ANO2: variants seen among roughly 807,000 people sequenced by gnomAD.
ANO2 encodes anoctamin-2.
In ANO2, 101 loss-of-function variants were observed where a neutral mutation model predicts 124.2. That is an observed-to-expected ratio of 0.81 (90% CI 0.69 to 0.96). The LOEUF (loss-of-function observed/expected upper bound fraction) is 0.96. Ranked by LOEUF, ANO2 falls within the 40% of genes least tolerant of loss-of-function variation. The probability of loss-of-function intolerance (pLI) is 0.00; values close to 1 mark genes in which losing one functional copy is unlikely to be tolerated. For synonymous variants in ANO2, 486 were observed against 482.5 expected (o/e 1.01, Z -0.09); for missense variants, 1,293 against 1,274.5 (o/e 1.01, Z -0.22).
At chr12:5,881,173 G>A (rs1938478825) in intron 3 of ANO2, among the ~76,000 whole-genome samples, 1 of 152,142 alleles carries the variant, frequency 6.6e-6, no homozygotes, top group South Asian at 2.1e-4. Context: ...CTATTCTATT[G>A]AGAGGGGCCT....
chr12:5,775,576 C>T (rs568472857), intron 10 of ANO2, among the ~76,000 whole-genome samples: 1 of 151,940 alleles, frequency 6.6e-6, no homozygotes, highest in Non-Finnish European at 1.5e-5. Flanking sequence ...ATTCTCCTGC[C>T]TCAGCCTCCT....
chr12:5,923,688 TC>T (rs1941946072), intron 1 of ANO2, among the ~76,000 whole-genome samples: 1 of 152,086 alleles, frequency 6.6e-6, no homozygotes, highest in South Asian at 2.1e-4. Flanking sequence ...AAGGGAAAAG[TC>T]CCCAGTAGGT....
chr12:5,860,839 A>G lies in ANO2; in HGVS notation c.535-6698T>C, dbSNP rs1244209877. On this transcript the variant is annotated intron_variant, in intron 3 of 24. Coordinates refer to ENST00000682330, the MANE Select transcript of ANO2 (RefSeq NM_001364791.2). ...GCCTCACTCGTGCTCACAAAACACAACCTGAACTGGATATATCAGAAACTT... is the reference window on the plus strand; with the variant it reads ...GCCTCACTCGTGCTCACAAAACACAGCCTGAACTGGATATATCAGAAACTT... Among the ~76,000 whole-genome samples the G allele has an allele frequency of 3.9e-5, 6 of 152,178 alleles. No individual in the cohort carries two copies. In the South Asian group the frequency reaches 1.0e-3, roughly 26 times the overall value.
chr12:5,815,422 CT>C (rs1392877065), intron 7 of ANO2, among the ~76,000 whole-genome samples: 1 of 152,110 alleles, frequency 6.6e-6, no homozygotes, highest in Non-Finnish European at 1.5e-5. Context: ...TAATGATGAT[CT>C]TGAATAATCC....
At chr12:5,587,234 C>A (rs1376545684) in intron 20 of ANO2, among the ~76,000 whole-genome samples, 2 of 152,226 alleles carry the variant, frequency 1.3e-5, no homozygotes, top group Non-Finnish European at 2.9e-5. Flanking sequence ...AAGCTTCCAT[C>A]ACAATTTAGT....
chr12:5,844,195 G>A (rs1024321476), intron 4 of ANO2, among the ~76,000 whole-genome samples: 3 of 152,190 alleles, frequency 2.0e-5, no homozygotes, highest in Admixed American at 2.0e-4. Context: ...CCAGCCCATG[G>A]AGGAAAGAGT....
intron 14 of ANO2, among the ~76,000 whole-genome samples, chr12:5,708,774 G>C (rs1949707918): frequency 6.6e-6 from 1 of 152,200 alleles, no homozygotes; most frequent in Non-Finnish European, 1.5e-5. Flanking sequence ...GTCCTCTCAA[G>C]TCCTCTCTTC....
intron 10 of ANO2, among the ~76,000 whole-genome samples, chr12:5,775,271 GCACA>G (rs201543160): frequency 2.0e-5 from 3 of 151,670 alleles, no homozygotes; most frequent in African/African-American, 7.3e-5. Context: ...ATAATTACGT[GCACA>G]CACACAGAGA....
In ANO2 at chr12:5,750,950, A is replaced by G. The variant is rs1951417156; in HGVS notation, c.1076T>C (p.Ile359Thr). 1.2e-6 allele frequency: 2 copies of G among 1,603,886 alleles called. No individual in the cohort carries two copies. Among genetic ancestry groups the G allele is most frequent in the Non-Finnish European group, 1.7e-6 (2 of 1,174,896 alleles). Residue 359 changes from isoleucine (I) to threonine (T), a missense_variant, in exon 11 of 25, where the codon ATT (isoleucine) becomes ACT (threonine). Ile to Thr is a moderately conservative substitution (Grantham distance 89). Coordinates refer to ENST00000682330, the MANE Select transcript of ANO2 (RefSeq NM_001364791.2). The stretch of plus-strand genomic sequence containing the variant: ...TCCCAGCCAGGCAAAATACAGTCCA[A>G]TTTTTTCTCCAAAATACTTTCTGGA... ...DLIRKYFGEK[I>T]GLYFAWLGLY... is the part of the protein sequence containing the mutation.
At chr12:5,566,894 C>A (rs917654606) in intron 23 of ANO2, among the ~76,000 whole-genome samples, 1 of 152,182 alleles carries the variant, frequency 6.6e-6, no homozygotes, top group South Asian at 2.1e-4. Context: ...GGGACATTCA[C>A]AAGTAGGTGC....
chr12:5,703,092 ATGC>A (rs10604585), intron 14 of ANO2, among the ~76,000 whole-genome samples: 2,161 of 152,330 alleles, frequency 0.014, 40 homozygotes, highest in African/African-American at 0.047. Context: ...ATCAACCTCA[ATGC>A]CCTTAAACAG....
chr12:5,888,085 G>T (rs1252840018), intron 3 of ANO2, among the ~76,000 whole-genome samples: 1 of 151,960 alleles, frequency 6.6e-6, no homozygotes, highest in Non-Finnish European at 1.5e-5. Flanking sequence ...TTAAAGGCGG[G>T]GTGTCCGGAG....
At chr12:5,916,849 A>T (rs1173631100) in intron 3 of ANO2, among the ~76,000 whole-genome samples, 1 of 152,170 alleles carries the variant, frequency 6.6e-6, no homozygotes, top group East Asian at 1.9e-4. Context: ...TATTGTGCAG[A>T]TCAGTGATAG....
chr12:5,929,178 TAC>T, intron 1 of ANO2, among the ~76,000 whole-genome samples: 2 of 125,698 alleles, frequency 1.6e-5, no homozygotes, highest in South Asian at 2.9e-4. Flanking sequence ...CTTCCTTCCT[TAC>T]TAGTCTACCT....
intron 14 of ANO2, among the ~76,000 whole-genome samples, chr12:5,670,339 G>A (rs1947933966): frequency 6.6e-6 from 1 of 152,160 alleles, no homozygotes; most frequent in Non-Finnish European, 1.5e-5. Context: ...GCACTTCCAT[G>A]CCACTGTTCC....
intron 1 of ANO2, among the ~76,000 whole-genome samples, chr12:5,936,914 T>C (rs924486240): frequency 6.6e-6 from 1 of 152,216 alleles, no homozygotes; most frequent in African/African-American, 2.4e-5. Context: ...TTATAGAATA[T>C]TTACTTGGAT....
chr12:5,922,873 G>C, intron 1 of ANO2, 69 bp from the exon 2 acceptor site: 2 of 1,364,152 alleles, frequency 1.5e-6, no homozygotes, highest in South Asian at 1.6e-5. Flanking sequence ...CTGAGGTACT[G>C]AGTGTACTCA....
At chr12:5,933,323 A>G (rs544773592) in intron 1 of ANO2, among the ~76,000 whole-genome samples, 9 of 152,166 alleles carry the variant, frequency 5.9e-5, no homozygotes, top group Admixed American at 3.3e-4. Flanking sequence ...CTGTCTCTAA[A>G]CTTCTCTCCC....
chr12:5,731,898 C>T (rs1950654246), intron 14 of ANO2, among the ~76,000 whole-genome samples: 1 of 152,098 alleles, frequency 6.6e-6, no homozygotes, highest in Non-Finnish European at 1.5e-5. Flanking sequence ...ACTGCAGGCC[C>T]TAAGAGCCAT....
Sources: gnomAD v4.1 joint callset for allele counts (sites outside exome capture counted in the v4.1 genomes callset) on GRCh38, gnomAD v4.1.1 for gene constraint, MANE v1.5 for transcripts, NCBI Gene and HGNC (gene_info 2026-07-23, HGNC 2026-07-21) for gene names.